Variants in IGF2BP2 observed in about 807,000 individuals in gnomAD.
The protein encoded by IGF2BP2 is insulin-like growth factor 2 mRNA-binding protein 2.
Under a neutral mutation model 75.8 loss-of-function variants are expected in IGF2BP2, and 17 were observed. The ratio of observed to expected loss-of-function variants is 0.22; its 90% CI spans 0.15 to 0.34. IGF2BP2 has a LOEUF of 0.34. Among genes scored for constraint, IGF2BP2 ranks in the 10% least tolerant of loss-of-function variants. The pLI is 1.00. For missense variants in IGF2BP2, 516 were observed against 772.4 expected, an observed-to-expected ratio of 0.67 and a Z score of 3.93; for synonymous variants, 288 against 295.6, an observed-to-expected ratio of 0.97 and a Z score of 0.26.
chr3:185,787,786 T>C (rs911752976), intron 2 of IGF2BP2, among the ~76,000 whole-genome samples: 5 of 151,906 alleles, frequency 3.3e-5, no homozygotes, highest in African/African-American at 1.2e-4. Context: ...AGTGCTGAGA[T>C]GGGAAGCTGT....
At chr3:185,646,824 G>C (rs763401455) in intron 15 of IGF2BP2, 1 of 591,972 alleles carries the variant, frequency 1.7e-6, no homozygotes, top group African/African-American at 1.9e-5. Context: ...TACATACCTC[G>C]GGGATGACAG....
At chr3:185,732,972 C>G (rs1728388418) in intron 2 of IGF2BP2, among the ~76,000 whole-genome samples, 1 of 152,186 alleles carries the variant, frequency 6.6e-6, no homozygotes, top group South Asian at 2.1e-4. Flanking sequence ...AACCTGCCCA[C>G]CACAATGTTC....
At chr3:185,783,880 TATAC>T (rs1319073039) in intron 2 of IGF2BP2, among the ~76,000 whole-genome samples, 1 of 152,214 alleles carries the variant, frequency 6.6e-6, no homozygotes, top group African/African-American at 2.4e-5. Context: ...AGAAAGTTAT[TATAC>T]ATACATACGA....
chr3:185,749,495 G>A (rs544354405), intron 2 of IGF2BP2, among the ~76,000 whole-genome samples: 9 of 152,318 alleles, frequency 5.9e-5, no homozygotes, highest in Middle Eastern at 3.4e-3. Flanking sequence ...AACAATTCAT[G>A]AATGAGCTAA....
chr3:185,776,475 G>A (rs1734546895), intron 2 of IGF2BP2, among the ~76,000 whole-genome samples: 1 of 152,170 alleles, frequency 6.6e-6, no homozygotes. Flanking sequence ...TGATGGTGGT[G>A]CAACTGAGAT....
intron 2 of IGF2BP2, chr3:185,713,140 A>C (rs1725063047): frequency 3.2e-6 from 1 of 313,652 alleles, no homozygotes; most frequent in Non-Finnish European, 6.3e-6. Context: ...TCTTGGTGTA[A>C]TACTGTGAAT....
chr3:185,673,593 G>T (rs189751072), intron 9 of IGF2BP2, among the ~76,000 whole-genome samples: 2 of 152,346 alleles, frequency 1.3e-5, no homozygotes, highest in Admixed American at 1.3e-4. Flanking sequence ...GAGGAACGTG[G>T]TCACCCATTC....
chr3:185,672,458 G>A (rs572474747), intron 10 of IGF2BP2, 83 bp downstream of exon 10: 77 of 1,383,416 alleles, frequency 5.6e-5, no homozygotes, highest in South Asian at 1.9e-4. Context: ...GAAAGCTTCC[G>A]TTCTGATTCC....
intron 2 of IGF2BP2, among the ~76,000 whole-genome samples, chr3:185,756,332 G>A (rs899638431): frequency 2.0e-5 from 3 of 152,066 alleles, no homozygotes; most frequent in Admixed American, 1.3e-4. Flanking sequence ...CTGCAGAACC[G>A]TGAGCCAATT....
intron 2 of IGF2BP2, among the ~76,000 whole-genome samples, chr3:185,819,759 A>AT (rs913301655): frequency 6.6e-6 from 1 of 152,124 alleles, no homozygotes; most frequent in African/African-American, 2.4e-5. Context: ...GTACCACACA[A>AT]TTTTAACCTA....
intron 2 of IGF2BP2, among the ~76,000 whole-genome samples, chr3:185,769,856 A>T (rs1733643558): frequency 6.6e-6 from 1 of 150,862 alleles, no homozygotes; most frequent in East Asian, 1.9e-4. Flanking sequence ...AAAAAAAAGA[A>T]ACAATTTCAT....
chr3:185,720,954 T>C (rs1042858200), intron 2 of IGF2BP2, among the ~76,000 whole-genome samples: 6 of 152,212 alleles, frequency 3.9e-5, no homozygotes, highest in African/African-American at 1.4e-4. Context: ...GGTAATGTGG[T>C]CAAAGGAAAG....
chr3:185,804,759 G>A (rs1278068174), intron 2 of IGF2BP2, among the ~76,000 whole-genome samples: 1 of 152,036 alleles, frequency 6.6e-6, no homozygotes, highest in Non-Finnish European at 1.5e-5. Flanking sequence ...GGAGGCGGAG[G>A]TGGGCGGATC....
intron 7 of IGF2BP2, among the ~76,000 whole-genome samples, chr3:185,684,685 G>T (rs1292265824): frequency 6.6e-6 from 1 of 152,174 alleles, no homozygotes; most frequent in Non-Finnish European, 1.5e-5. Flanking sequence ...GGGATTACAG[G>T]CGTGAGTCAC....
intron 2 of IGF2BP2, chr3:185,716,830 C>T (rs773574705): frequency 5.8e-6 from 3 of 514,940 alleles, no homozygotes; most frequent in East Asian, 5.4e-5. Context: ...AGAGAGGCTA[C>T]GCAGCCTGGA....
At chr3:185,706,110 T>C (rs992538884) in intron 2 of IGF2BP2, among the ~76,000 whole-genome samples, 2 of 152,332 alleles carry the variant, frequency 1.3e-5, no homozygotes, top group African/African-American at 4.8e-5. Flanking sequence ...GGCTCACACT[T>C]GTAATCCCAG....
At chr3:185,797,847 G>A (rs7637773) in intron 2 of IGF2BP2, among the ~76,000 whole-genome samples, 55,866 of 146,590 alleles carry the variant, frequency 0.38, 11,262 homozygotes, top group African/African-American at 0.56. Flanking sequence ...TCAAGGCTCC[G>A]GTAAGCCAAG....
intron 2 of IGF2BP2, among the ~76,000 whole-genome samples, chr3:185,758,735 G>A (rs773875514): frequency 2.6e-5 from 4 of 152,154 alleles, no homozygotes; most frequent in Non-Finnish European, 4.4e-5. Context: ...TATCACTAAA[G>A]GCTAGGTAAT....
intron 2 of IGF2BP2, among the ~76,000 whole-genome samples, chr3:185,794,959 G>A (rs1441860687): frequency 2.6e-5 from 4 of 151,588 alleles, no homozygotes; most frequent in East Asian, 3.9e-4. Flanking sequence ...GTGCAGTGGC[G>A]CTCTCTCTGC....
Sources: allele counts gnomAD v4.1 joint callset (sites outside exome capture counted in the v4.1 genomes callset), GRCh38; gene constraint gnomAD v4.1.1; transcripts MANE v1.5; gene names NCBI Gene and HGNC (gene_info 2026-07-23, HGNC 2026-07-21).